The following TRDN variants were observed in gnomAD, a reference collection of about 807,000 sequenced individuals.
TRDN encodes the protein triadin in skeletal muscle.
A neutral mutation model predicts 149.7 loss-of-function variants in TRDN; 161 were observed. The observed-to-expected ratio is 1.08, with a 90% CI of 0.95 to 1.23. The LOEUF (loss-of-function observed/expected upper bound fraction) is 1.23. Among genes scored for constraint, TRDN ranks in the 50% most tolerant of loss-of-function variants. The pLI is 0.00. For synonymous variants in TRDN, 294 were observed against 250.5 expected (o/e 1.17, Z -1.64); for missense variants, 896 against 823.5 (o/e 1.09, Z -1.08).
intron 9 of TRDN, among the ~76,000 whole-genome samples, chr6:123,472,646 A>T (rs552211067): frequency 2.9e-4 from 44 of 152,330 alleles, no homozygotes; most frequent in African/African-American, 9.9e-4. Flanking sequence ...GACAAACAAA[A>T]AGACAGCAGT....
rs1179065575 is a variant in TRDN, at chr6:123,331,859, A to G, written c.1471+20T>C. ...AAAAGGCAGATCAATGTGGCTTCAC[A>G]TTTCATTGTATAATATTACCTTTTT... On this transcript the variant is annotated intron_variant, in intron 23 of 40. Coordinates refer to ENST00000334268, the MANE Select transcript of TRDN (RefSeq NM_006073.4). 1.1e-5 allele frequency: 16 copies of G among 1,493,254 alleles called. No homozygotes were observed. The Admixed American group carries it at 3.1e-4, about 29-fold the overall frequency. The allele number at this position is 1,493,254 out of a possible 1,614,324, so 92.5% of individuals were successfully genotyped here. A position where few individuals can be genotyped will look rare whatever the true frequency, so the allele number is the denominator to read the frequency against.
chr6:123,620,642 C>T (rs776661199), intron 1 of TRDN, among the ~76,000 whole-genome samples: 8 of 152,002 alleles, frequency 5.3e-5, no homozygotes, highest in Non-Finnish European at 1.0e-4. Flanking sequence ...GTTAGGCTTT[C>T]CACCTCAGTA....
At chr6:123,307,941 A>G (rs1778673842) in intron 24 of TRDN, among the ~76,000 whole-genome samples, 1 of 152,044 alleles carries the variant, frequency 6.6e-6, no homozygotes, top group African/African-American at 2.4e-5. Flanking sequence ...GGTTTGGGGT[A>G]CAAATGATCC....
At chr6:123,345,956 A>G (rs1269424687) in intron 21 of TRDN, among the ~76,000 whole-genome samples, 1 of 152,102 alleles carries the variant, frequency 6.6e-6, no homozygotes, top group African/African-American at 2.4e-5. Flanking sequence ...AATTTTCTAC[A>G]TAAATAAGTC....
Position 123,485,569 on chromosome 6 carries a change from G to A in TRDN, c.853+11624C>T, listed in dbSNP as rs144071751. On this transcript the variant is annotated intron_variant, in intron 9 of 40. Coordinates refer to ENST00000334268, the MANE Select transcript of TRDN (RefSeq NM_006073.4). ...TCTAGGGAGAGAATAATAATGCTAC[G>A]TGAATATTAAATCAGAAAGCTATTA... 2.2e-4 allele frequency among the ~76,000 whole-genome samples: 34 copies of A among 152,144 alleles called. 1 individual carries two copies. The highest frequency in any genetic ancestry group is 1.9e-3 in the South Asian group (9 of 4,820).
chr6:123,241,437 A>G (rs1171111759), intron 38 of TRDN, among the ~76,000 whole-genome samples: 3 of 151,628 alleles, frequency 2.0e-5, no homozygotes, highest in African/African-American at 4.8e-5. Flanking sequence ...TCTTATGCTT[A>G]AATTTCAGAC....
At chr6:123,516,999 A>G (rs1406306864) in intron 5 of TRDN, among the ~76,000 whole-genome samples, 1 of 152,176 alleles carries the variant, frequency 6.6e-6, no homozygotes, top group Admixed American at 6.6e-5. Context: ...GAATATAGAA[A>G]GAACACTTGC....
chr6:123,309,533 G>A (rs1028754671), intron 24 of TRDN, among the ~76,000 whole-genome samples: 1 of 151,976 alleles, frequency 6.6e-6, no homozygotes, highest in Non-Finnish European at 1.5e-5. Context: ...AAGGGGCAAA[G>A]GGAGTAAAAT....
In TRDN at chr6:123,377,879, T is replaced by A. The variant is rs745563456; in HGVS notation, c.1206A>T (p.Lys402Asn). ...AAAAACAGTTACCTGGTTCCACATG[T>A]TTTTCTTTCTTTTCCTGTTCTGAAA... ...PKGKKQEKKE[K>N]HVEPAKSPKK... Residue 402 changes from lysine to asparagine, a missense_variant, in exon 17 of 41, where the codon AAA (lysine) becomes AAT (asparagine). Lys to Asn is a moderately conservative substitution (Grantham distance 94). Coordinates refer to ENST00000334268, the MANE Select transcript of TRDN (RefSeq NM_006073.4). 2 of 1,528,822 alleles carry A rather than the reference T, an allele frequency of 1.3e-6. No homozygotes were observed. The highest frequency in any genetic ancestry group is 2.8e-5 in the African/African-American group (2 of 72,582). The allele number at this position is 1,528,822 out of a possible 1,614,324, so 94.7% of individuals were successfully genotyped here. A position where few individuals can be genotyped will look rare whatever the true frequency, so the allele number is the denominator to read the frequency against.
intron 38 of TRDN, among the ~76,000 whole-genome samples, chr6:123,250,265 T>C (rs945344517): frequency 6.6e-6 from 1 of 151,836 alleles, no homozygotes; most frequent in South Asian, 2.1e-4. Flanking sequence ...AGACAAGAGG[T>C]GCAGGCACTA....
At chr6:123,455,016 T>C (rs1162835980) in intron 10 of TRDN, among the ~76,000 whole-genome samples, 1 of 152,142 alleles carries the variant, frequency 6.6e-6, no homozygotes, top group Non-Finnish European at 1.5e-5. Flanking sequence ...ATAGATATAC[T>C]CTGTGAAAAA....
At chr6:123,414,852 T>C (rs1237666167) in intron 12 of TRDN, among the ~76,000 whole-genome samples, 3 of 152,154 alleles carry the variant, frequency 2.0e-5, no homozygotes, top group African/African-American at 7.2e-5. Context: ...AAAAATGTAA[T>C]GATAATACAA....
intron 13 of TRDN, among the ~76,000 whole-genome samples, chr6:123,391,269 GT>G (rs1782103899): frequency 1.3e-5 from 2 of 151,042 alleles, no homozygotes; most frequent in African/African-American, 2.5e-5. Flanking sequence ...CCTTCAGCTA[GT>G]TTTTTCCCTT....
At chr6:123,252,314 T>A (rs1211447339) in intron 38 of TRDN, 98 bp downstream of exon 38, 7 of 725,932 alleles carry the variant, frequency 9.6e-6, no homozygotes, top group Non-Finnish European at 1.6e-5. Flanking sequence ...GAATAAACTA[T>A]ACTGAACACT....
intron 38 of TRDN, among the ~76,000 whole-genome samples, chr6:123,238,424 A>T (rs1235420681): frequency 6.6e-6 from 1 of 152,152 alleles, no homozygotes; most frequent in African/African-American, 2.4e-5. Context: ...TTAAAATGTA[A>T]GGATAATCAC....
chr6:123,630,693 AT>A (rs2114740145), intron 1 of TRDN, among the ~76,000 whole-genome samples: 1 of 152,064 alleles, frequency 6.6e-6, no homozygotes, highest in African/African-American at 2.4e-5. Context: ...CCTATTACAA[AT>A]AATAATAAAA....
At chr6:123,491,104 CA>C (rs5879684) in intron 9 of TRDN, among the ~76,000 whole-genome samples, 45,474 of 117,056 alleles carry the variant, frequency 0.39, 7,937 homozygotes, top group East Asian at 0.69. Flanking sequence ...GACTACATCT[CA>C]AAAAAAAAAA....
At chr6:123,414,896 T>C (rs1352014482) in intron 12 of TRDN, among the ~76,000 whole-genome samples, 1 of 152,174 alleles carries the variant, frequency 6.6e-6, no homozygotes, top group African/African-American at 2.4e-5. Context: ...CTTACATCTA[T>C]ATACAGAAAC....
intron 4 of TRDN, among the ~76,000 whole-genome samples, chr6:123,536,023 C>T (rs1780510955): frequency 6.6e-6 from 1 of 152,112 alleles, no homozygotes; most frequent in African/African-American, 2.4e-5. Flanking sequence ...TCCATACTTA[C>T]TAGCTGTGTG....
Sources: gnomAD v4.1 joint callset for allele counts (sites outside exome capture counted in the v4.1 genomes callset) on GRCh38, gnomAD v4.1.1 for gene constraint, MANE v1.5 for transcripts, NCBI Gene and HGNC (gene_info 2026-07-23, HGNC 2026-07-21) for gene names.